The following SASH1 variants were observed in gnomAD, a reference collection of about 807,000 sequenced individuals.
SASH1 encodes the protein SAM and SH3 domain-containing protein 1.
A neutral mutation model predicts 125.2 loss-of-function variants in SASH1; 44 were observed. That is an observed-to-expected ratio of 0.35 (90% confidence interval 0.28 to 0.45). The LOEUF is 0.45. Among genes scored for constraint, SASH1 ranks in the 20% least tolerant of loss-of-function variants. The pLI is 1.00. For synonymous variants in SASH1, 639 were observed against 649.1 expected (o/e 0.98, Z 0.24); for missense variants, 1,426 against 1,614.5 (o/e 0.88, Z 2.00).
chr6:148,355,530 C>T (rs1562345900), intron 1 of SASH1, among the ~76,000 whole-genome samples: 1 of 152,100 alleles, frequency 6.6e-6, no homozygotes, highest in Non-Finnish European at 1.5e-5. Flanking sequence ...GCTCCTTTTT[C>T]AACAGAAGAA....
Position 148,549,335 on chromosome 6 carries a change from T to C in SASH1, c.*777T>C. 1 of 316,208 alleles carries C rather than the reference T, an allele frequency of 3.2e-6. No homozygotes were observed. The highest frequency in any genetic ancestry group is 5.7e-6 in the Non-Finnish European group (1 of 174,762). 19.6% of individuals were successfully genotyped at this position (316,208 alleles called of 1,614,324 possible). A position where few individuals can be genotyped will look rare whatever the true frequency, so the allele number is the denominator to read the frequency against. On this transcript the variant is annotated 3_prime_UTR_variant, in exon 20 of 20. Transcript: ENST00000367467. ...AGGTATTCATCAGCCACACACTTCATGTTGGTTTTTGGTTTTTAAGCTAAC... is the reference window on the plus strand; with the variant it reads ...AGGTATTCATCAGCCACACACTTCACGTTGGTTTTTGGTTTTTAAGCTAAC...
chr6:148,409,086 A>G (rs1583105542), intron 2 of SASH1, among the ~76,000 whole-genome samples: 1 of 152,080 alleles, frequency 6.6e-6, no homozygotes, highest in Admixed American at 6.6e-5. Flanking sequence ...GCCCTTGTGT[A>G]CCTGCATTGC....
chr6:148,334,516 A>G (rs993002089), intron 1 of SASH1, among the ~76,000 whole-genome samples: 32 of 149,908 alleles, frequency 2.1e-4, no homozygotes, highest in Non-Finnish European at 3.7e-4. Context: ...CTTTGGCCTA[A>G]TTTAAGAATT....
chr6:148,446,667 T>G (rs555018049), intron 4 of SASH1, among the ~76,000 whole-genome samples: 1 of 152,254 alleles, frequency 6.6e-6, no homozygotes, highest in East Asian at 1.9e-4. Context: ...GACTAAAAAT[T>G]GAAAAGGCAT....
chr6:148,362,106 T>C (rs1488859882), intron 1 of SASH1, among the ~76,000 whole-genome samples: 3 of 151,654 alleles, frequency 2.0e-5, no homozygotes, highest in African/African-American at 4.8e-5. Context: ...TTGTTGTATT[T>C]TTAGTAGAGA....
At chr6:148,299,671 G>GAAAAAAAAAAAAAAAAAA (rs57758957) in intron 1 of SASH1, among the ~76,000 whole-genome samples, 2 of 114,974 alleles carry the variant, frequency 1.7e-5, no homozygotes, top group Non-Finnish European at 1.9e-5. Context: ...CACCTCAAAA[G>GAAAAAAAAAAAAAAAAAA]AAAAAAAAAA....
chr6:148,228,245 A>G, the SASH1 span, among the ~76,000 whole-genome samples: 1 of 152,192 alleles, frequency 6.6e-6, no homozygotes, highest in Non-Finnish European at 1.5e-5. Flanking sequence ...TTTTTCAGAT[A>G]TGTAACCCCT....
At chr6:148,367,566 A>C (rs1782521411) in intron 1 of SASH1, among the ~76,000 whole-genome samples, 2 of 152,128 alleles carry the variant, frequency 1.3e-5, no homozygotes, top group Admixed American at 1.3e-4. Flanking sequence ...TTCCTTGGGG[A>C]GGGTGGACCA....
At position 148,385,474 on chromosome 6, in the gene SASH1, A is replaced by G. The variant is rs77494780; in HGVS notation, c.157-4660A>G. On this transcript the variant is annotated intron_variant, in intron 1 of 19. Coordinates refer to ENST00000367467, the MANE Select transcript of SASH1 (RefSeq NM_015278.5). ...AACTCCTAAAACCCTTGGAACCTCC[A>G]AAGTGATAAGTGTATTTTTTTGTAT... 7.0e-3 allele frequency among the ~76,000 whole-genome samples: 1,060 copies of G among 152,308 alleles called. 18 individuals carry two copies. Among genetic ancestry groups the G allele is most frequent in the African/African-American group, 0.024 (988 of 41,568 alleles).
the SASH1 span, among the ~76,000 whole-genome samples, chr6:148,255,739 C>T: frequency 6.6e-6 from 1 of 152,042 alleles, no homozygotes; most frequent in Non-Finnish European, 1.5e-5. Flanking sequence ...ATATCCTAGG[C>T]TCAGGTGATT....
In SASH1 at chr6:148,514,423, A is replaced by G; in HGVS notation, c.829A>G (p.Arg277Gly). ...TCGCAGAGTCAGAAAGAAACTAATT[A>G]GGGTGGAAGAAATGAAAAAACCCAG... ...STRRVRKKLI[R>G]VEEMKKPSTE... Residue 277 changes from arginine to glycine, a missense_variant, in exon 9 of 20, where the codon AGG (arginine) becomes GGG (glycine). Around this residue, in one of 3 missense-constraint regions of SASH1, gnomAD observed 567 missense variants for 575.6 expected, o/e 0.99. Coordinates refer to ENST00000367467, the MANE Select transcript of SASH1 (RefSeq NM_015278.5). 1 of 1,241,578 alleles carries G rather than the reference A, an allele frequency of 8.1e-7. No individual in the cohort carries two copies. The highest frequency in any genetic ancestry group is 1.1e-6 in the Non-Finnish European group (1 of 883,014). 76.9% of individuals were successfully genotyped at this position (1,241,578 alleles called of 1,614,324 possible). A position where few individuals can be genotyped will look rare whatever the true frequency, so the allele number is the denominator to read the frequency against.
chr6:148,397,480 G>A (rs947800065), intron 2 of SASH1, among the ~76,000 whole-genome samples: 13 of 151,996 alleles, frequency 8.6e-5, no homozygotes, highest in Admixed American at 2.0e-4. Flanking sequence ...GTGAGACTCC[G>A]TCTCAAAAAA....
At chr6:148,471,183 T>G (rs1319070430) in intron 5 of SASH1, among the ~76,000 whole-genome samples, 1 of 151,994 alleles carries the variant, frequency 6.6e-6, no homozygotes, top group Non-Finnish European at 1.5e-5. Context: ...TTTCCGTTTC[T>G]CCTCTTAACC....
At chr6:148,457,132 T>C (rs1361761832) in intron 4 of SASH1, among the ~76,000 whole-genome samples, 1 of 151,094 alleles carries the variant, frequency 6.6e-6, no homozygotes, top group East Asian at 1.9e-4. Flanking sequence ...TTGTTTTTAC[T>C]GGTTAGATCA....
At chr6:148,251,837 C>G in the SASH1 span, among the ~76,000 whole-genome samples, 1 of 109,846 alleles carries the variant, frequency 9.1e-6, no homozygotes, top group African/African-American at 3.5e-5. Context: ...CCCCCCTCCC[C>G]CCACCCCACA....
chr6:148,341,164 T>C (rs888251896), upstream of SASH1, among the ~76,000 whole-genome samples: 1 of 151,980 alleles, frequency 6.6e-6, no homozygotes, highest in East Asian at 1.9e-4. Context: ...TTTTTTTTCT[T>C]TGGAGACAGA....
intron 2 of SASH1, among the ~76,000 whole-genome samples, chr6:148,413,322 A>G (rs998113599): frequency 2.6e-5 from 4 of 152,202 alleles, no homozygotes; most frequent in Admixed American, 2.6e-4. Flanking sequence ...CTGAGCAAAG[A>G]CACTAAGTGT....
chr6:148,546,322 G>GAA (rs144729413), intron 19 of SASH1, among the ~76,000 whole-genome samples, 176 bp downstream of exon 19: 229 of 148,290 alleles, frequency 1.5e-3, no homozygotes, highest in African/African-American at 5.3e-3. Flanking sequence ...CTTTCAGAAA[G>GAA]AAAAAAAAAA....
intron 16 of SASH1, among the ~76,000 whole-genome samples, chr6:148,537,776 C>CTGTGTGTGTGTGTGTGTGTGTGTGTGTG (rs55644027): frequency 1.6e-5 from 2 of 125,598 alleles, no homozygotes; most frequent in Non-Finnish European, 3.3e-5. Flanking sequence ...TTAGCATATT[C>CTGTGTGTGTGTGTGTGTGTGTGTGTGTG]TGTGTGTGTG....
Sources: allele counts gnomAD v4.1 joint callset (sites outside exome capture counted in the v4.1 genomes callset), GRCh38; gene constraint gnomAD v4.1.1; regional missense constraint gnomAD v4.1.1; transcripts MANE v1.5; gene names NCBI Gene and HGNC (gene_info 2026-07-23, HGNC 2026-07-21).